The following PASD1 variants were observed in gnomAD, a reference collection of about 807,000 sequenced individuals.
PASD1 encodes PAS domain containing repressor 1, also known as circadian clock protein PASD1.
In PASD1, 13 loss-of-function variants were observed where a neutral mutation model predicts 58.8. The observed-to-expected ratio is 0.22, with a 90% CI of 0.14 to 0.35. The LOEUF is 0.35. Ranked by LOEUF, PASD1 falls within the 10% of genes least tolerant of loss-of-function variation. The probability of loss-of-function intolerance (pLI) is 1.00; values close to 1 mark genes in which losing one functional copy is unlikely to be tolerated. For synonymous variants in PASD1, 236 were observed against 216.7 expected, an observed-to-expected ratio of 1.09 and a Z score of -0.78; for missense variants, 734 against 568.3, an observed-to-expected ratio of 1.29 and a Z score of -2.96.
intron 9 of PASD1, among the ~76,000 whole-genome samples, chrX:151,655,686 C>T (rs887895312): frequency 8.9e-6 from 1 of 111,992 alleles, no homozygotes; most frequent in Non-Finnish European, 1.9e-5. Context: ...CCTTTGCCCA[C>T]TTGTTGATGG....
chrX:151,565,376 C>T (rs61242804), intron 1 of PASD1, among the ~76,000 whole-genome samples: 7,621 of 110,797 alleles, frequency 0.069, 325 homozygotes, highest in African/African-American at 0.15. Context: ...AGAGAGACAT[C>T]TGTCTTTGAG....
chrX:151,617,775 TG>T lies in PASD1; in HGVS notation c.208-3153del, dbSNP rs774194763. Among the ~76,000 whole-genome samples the T allele has an allele frequency of 2.1e-4, 24 of 112,122 alleles. 1 individual carries two copies. The highest frequency in any genetic ancestry group is 4.6e-3 in the Middle Eastern group (1 of 219). ...AAGGAACAATAGACATGGAATTGGATGGAGCTTTCATGTCAGTTTCATTTCT... is the reference window on the plus strand; with the variant it reads ...AAGGAACAATAGACATGGAATTGGATGAGCTTTCATGTCAGTTTCATTTCT... On this transcript the variant is annotated intron_variant, in intron 4 of 15. Transcript: ENST00000370357.
chrX:151,628,477 T>G (rs1260314932), intron 8 of PASD1, among the ~76,000 whole-genome samples: 1 of 112,248 alleles, frequency 8.9e-6, no homozygotes, highest in African/African-American at 3.2e-5. Context: ...TTTCCCCATT[T>G]CTTGTTTTTG....
chrX:151,594,062 C>T (rs2013284787), intron 1 of PASD1, among the ~76,000 whole-genome samples: 1 of 111,127 alleles, frequency 9.0e-6, no homozygotes, highest in Non-Finnish European at 1.9e-5. Context: ...CAATCTCGGC[C>T]TCCTGGATTC....
At position 151,625,494 on chromosome X, in the gene PASD1, A is replaced by G. The variant is rs1333487113; in HGVS notation, c.593A>G (p.Gln198Arg). ...GTCAGTGATGAAGCTGTACTTACAC[A>G]AGATTCAGATGAGGAACCTTTTGTG... The part of the protein sequence containing the change: ...KAVSDEAVLT[Q>R]DSDEEPFVGE... The change falls in exon 8 of 16, where the codon CAA becomes CGA. Residue 198 changes from glutamine (Q) to arginine (R), a missense_variant. Transcript: ENST00000370357. The G allele has an allele frequency of 8.3e-7, 1 of 1,209,613 alleles. No homozygotes were observed. The highest frequency in any genetic ancestry group is 1.1e-6 in the Non-Finnish European group (1 of 894,040).
chrX:151,578,297 T>G (rs972557191), intron 1 of PASD1: 1 of 112,433 alleles, frequency 8.9e-6, no homozygotes, highest in Admixed American at 9.4e-5. Flanking sequence ...TCTTTTGGTA[T>G]TCGTGTTCTG....
intron 1 of PASD1, among the ~76,000 whole-genome samples, chrX:151,599,444 G>A (rs1218391736): frequency 1.1e-4 from 12 of 105,433 alleles, no homozygotes; most frequent in Admixed American, 6.8e-4. Context: ...CTGGCCGGGC[G>A]GGGGCTGCCC....
At chrX:151,602,020 G>A (rs1007630831) in intron 2 of PASD1, among the ~76,000 whole-genome samples, 21 of 112,425 alleles carry the variant, frequency 1.9e-4, no homozygotes, top group Admixed American at 1.4e-3. Flanking sequence ...TTTGTCAAAA[G>A]TTTGCAGTAT....
intron 11 of PASD1, among the ~76,000 whole-genome samples, chrX:151,669,166 A>ATGTG (rs201216842): frequency 1.1e-5 from 1 of 93,359 alleles, no homozygotes; most frequent in African/African-American, 3.8e-5. Flanking sequence ...TATATACTAT[A>ATGTG]TGTGTGTGTG....
chrX:151,599,336 T>C (rs1373678773), intron 1 of PASD1, among the ~76,000 whole-genome samples: 1 of 112,926 alleles, frequency 8.9e-6, no homozygotes, highest in Non-Finnish European at 1.9e-5. Context: ...AGCTGTTGGG[T>C]ACACCTCCCA....
chrX:151,653,779 TTTCTTTCTTTCTTTCTTTCTTTCC>T (rs1569413675), intron 9 of PASD1, among the ~76,000 whole-genome samples: 12 of 10,033 alleles, frequency 1.2e-3, no homozygotes, highest in Non-Finnish European at 2.3e-3. Flanking sequence ...TCTTTCTTTC[TTTCTTTCTTTCTTTCTTTCTTTCC>T]TTCCTTCCTT....
At chrX:151,583,360 A>C (rs915018789) in intron 1 of PASD1, among the ~76,000 whole-genome samples, 4 of 112,087 alleles carry the variant, frequency 3.6e-5, no homozygotes, top group African/African-American at 1.3e-4. Context: ...TACTGCTATA[A>C]ATCTAAATTC....
At chrX:151,630,803 G>A (rs1201607917) in intron 8 of PASD1, among the ~76,000 whole-genome samples, 2 of 112,814 alleles carry the variant, frequency 1.8e-5, no homozygotes, top group Non-Finnish European at 3.7e-5. Context: ...AAGAAAGGGT[G>A]TATTTCCACA....
chrX:151,641,646 C>G (rs755692276), intron 8 of PASD1, among the ~76,000 whole-genome samples: 1 of 111,466 alleles, frequency 9.0e-6, no homozygotes, highest in African/African-American at 3.3e-5. Context: ...CTCATTGTCT[C>G]ATGAAAGTCA....
intron 4 of PASD1, among the ~76,000 whole-genome samples, chrX:151,613,880 C>T (rs1049599032): frequency 1.6e-4 from 18 of 111,404 alleles, no homozygotes; most frequent in Non-Finnish European, 3.8e-5. Context: ...TCTGAGAAGT[C>T]GAAGATTAAG....
chrX:151,672,884 C>T, intron 14 of PASD1: 1 of 500,055 alleles, frequency 2.0e-6, no homozygotes, highest in Non-Finnish European at 3.1e-6. Flanking sequence ...AAAGGGGTAC[C>T]CATGAAGAAA....
intron 1 of PASD1, among the ~76,000 whole-genome samples, chrX:151,597,199 T>A (rs1189536887): frequency 8.9e-6 from 1 of 112,265 alleles, no homozygotes; most frequent in Non-Finnish European, 1.9e-5. Context: ...TCTCTTTTTA[T>A]GTGTTTTCTA....
chrX:151,648,928 A>G (rs2014096894), intron 9 of PASD1, among the ~76,000 whole-genome samples: 1 of 111,491 alleles, frequency 9.0e-6, no homozygotes, highest in African/African-American at 3.3e-5. Context: ...TGTATCCCAG[A>G]TGTTGTTCAG....
At chrX:151,626,660 T>G (rs1254935861) in intron 8 of PASD1, among the ~76,000 whole-genome samples, 1 of 111,719 alleles carries the variant, frequency 9.0e-6, no homozygotes, top group East Asian at 2.8e-4. Flanking sequence ...ATATTAAAGA[T>G]GTGCACTGTA....
Sources: gnomAD v4.1 joint callset for allele counts (sites outside exome capture counted in the v4.1 genomes callset) on GRCh38, gnomAD v4.1.1 for gene constraint, MANE v1.5 for transcripts, NCBI Gene and HGNC (gene_info 2026-07-23, HGNC 2026-07-21) for gene names.